Variants in WWOX observed in about 807,000 individuals in gnomAD.
WWOX encodes WW domain containing oxidoreductase.
A neutral mutation model predicts 46.2 loss-of-function variants in WWOX; 69 were observed. The ratio of observed to expected loss-of-function variants is 1.49; its 90% CI spans 1.23 to 1.82. The LOEUF (loss-of-function observed/expected upper bound fraction) is 1.82, where lower values mean the gene tolerates loss of function less well. WWOX is among the 40% of genes most tolerant of loss of function. The probability of loss-of-function intolerance (pLI) is 0.00; values close to 1 mark genes in which losing one functional copy is unlikely to be tolerated. For synonymous variants in WWOX, 359 were observed against 202.6 expected (o/e 1.77, Z -6.56); for missense variants, 919 against 542.6 (o/e 1.69, Z -6.89).
At chr16:78,812,219 A>G (rs2142710665) in intron 8 of WWOX, among the ~76,000 whole-genome samples, 1 of 152,180 alleles carries the variant, frequency 6.6e-6, no homozygotes, top group South Asian at 2.1e-4. Flanking sequence ...ACAAGATGAC[A>G]TCCCAAAGAT....
chr16:78,524,195 T>C (rs1457981432), intron 8 of WWOX, among the ~76,000 whole-genome samples: 3 of 152,198 alleles, frequency 2.0e-5, no homozygotes, highest in Non-Finnish European at 4.4e-5. Context: ...TAAACATTTT[T>C]ATTGCAAAGG....
At chr16:78,550,694 G>C (rs2044152699) in intron 8 of WWOX, 1 of 152,200 alleles carries the variant, frequency 6.6e-6, no homozygotes, top group Non-Finnish European at 1.5e-5. Flanking sequence ...CTCCTGGGCT[G>C]TGCTGGGGAT....
At chr16:78,298,968 C>A (rs1567484874) in intron 5 of WWOX, among the ~76,000 whole-genome samples, 1 of 152,060 alleles carries the variant, frequency 6.6e-6, no homozygotes, top group Non-Finnish European at 1.5e-5. Context: ...TTTTCCTGTT[C>A]CTTGCCCTTC....
chr16:78,277,633 C>A (rs1346506140), intron 5 of WWOX, among the ~76,000 whole-genome samples: 1 of 152,160 alleles, frequency 6.6e-6, no homozygotes, highest in Admixed American at 6.6e-5. Context: ...GCATTTAGTT[C>A]TCTGCAAAGA....
intron 8 of WWOX, among the ~76,000 whole-genome samples, chr16:78,767,642 C>G (rs996716739): frequency 1.3e-5 from 2 of 152,092 alleles, no homozygotes; most frequent in African/African-American, 4.8e-5. Flanking sequence ...GAGAAACTGC[C>G]AAACTGTCTT....
chr16:78,148,575 C>T (rs1305984264), intron 4 of WWOX, among the ~76,000 whole-genome samples: 2 of 151,176 alleles, frequency 1.3e-5, no homozygotes, highest in Non-Finnish European at 3.0e-5. Flanking sequence ...TTTTATTTTT[C>T]TTCCTAAGGT....
At chr16:78,535,799 C>T (rs769979528) in intron 8 of WWOX, among the ~76,000 whole-genome samples, 3 of 152,076 alleles carry the variant, frequency 2.0e-5, no homozygotes, top group Non-Finnish European at 4.4e-5. Context: ...GAAGAGAGAA[C>T]CAGACACAAG....
intron 8 of WWOX, among the ~76,000 whole-genome samples, chr16:79,037,411 C>G (rs1015061716): frequency 6.6e-6 from 1 of 151,986 alleles, no homozygotes; most frequent in Non-Finnish European, 1.5e-5. Flanking sequence ...ATGTGATTAT[C>G]GATGATGCTG....
intron 4 of WWOX, among the ~76,000 whole-genome samples, chr16:78,153,629 C>G (rs1047404915): frequency 6.6e-6 from 1 of 152,080 alleles, no homozygotes; most frequent in Non-Finnish European, 1.5e-5. Context: ...GGCTGGAAAT[C>G]ACCATCTCTG....
At chr16:78,764,841 C>T (rs2069784923) in intron 8 of WWOX, among the ~76,000 whole-genome samples, 1 of 152,004 alleles carries the variant, frequency 6.6e-6, no homozygotes, top group Non-Finnish European at 1.5e-5. Flanking sequence ...TTGCTCATAG[C>T]AAAGGTTTGT....
intron 8 of WWOX, among the ~76,000 whole-genome samples, chr16:78,536,748 G>C (rs1030332724): frequency 2.6e-5 from 4 of 152,078 alleles, no homozygotes; most frequent in Non-Finnish European, 4.4e-5. Flanking sequence ...TGACGAAGGA[G>C]GAGGAGGAGG....
At chr16:78,335,531 C>G (rs1188923584) in intron 5 of WWOX, among the ~76,000 whole-genome samples, 1 of 152,118 alleles carries the variant, frequency 6.6e-6, no homozygotes. Flanking sequence ...CATTTATGAG[C>G]ATTTGGAGTG....
Position 78,714,199 on chromosome 16 carries a change from A to G in WWOX, c.1056+281447A>G, listed in dbSNP as rs142232647. Among the ~76,000 whole-genome samples, 653 of 152,266 alleles carry G rather than the reference A, an allele frequency of 4.3e-3. 5 individuals are homozygous for G. Among genetic ancestry groups the G allele is most frequent in the African/African-American group, 0.015 (632 of 41,552 alleles). On this transcript the variant is annotated intron_variant, in intron 8 of 8. Transcript: ENST00000566780. ...ATGTCCTATATTAGTCTATTCTCACACTGCTAGTGAAGACATACCTGAGAT... is the reference window on the plus strand; with the variant it reads ...ATGTCCTATATTAGTCTATTCTCACGCTGCTAGTGAAGACATACCTGAGAT...
At chr16:78,146,747 C>G (rs927740420) in intron 4 of WWOX, among the ~76,000 whole-genome samples, 7 of 152,152 alleles carry the variant, frequency 4.6e-5, no homozygotes, top group Admixed American at 2.6e-4. Context: ...ATTGTATGCC[C>G]TGTGGGAACC....
chr16:78,894,496 G>A (rs1274241511), intron 8 of WWOX, among the ~76,000 whole-genome samples: 2 of 152,170 alleles, frequency 1.3e-5, no homozygotes, highest in Non-Finnish European at 2.9e-5. Context: ...GGAAACACAG[G>A]CTTGAGTTTG....
chr16:78,114,729 T>C (rs1189303974), intron 3 of WWOX, among the ~76,000 whole-genome samples: 1 of 148,444 alleles, frequency 6.7e-6, no homozygotes, highest in East Asian at 1.9e-4. Flanking sequence ...TGGCAATAGT[T>C]ATTGTATGTT....
At chr16:78,389,698 C>T (rs1459858159) in intron 6 of WWOX, among the ~76,000 whole-genome samples, 1 of 152,052 alleles carries the variant, frequency 6.6e-6, no homozygotes, top group Non-Finnish European at 1.5e-5. Context: ...CCGATTTAGC[C>T]TCTTCACGGC....
At chr16:78,382,378 C>G (rs1014641944) in intron 5 of WWOX, among the ~76,000 whole-genome samples, 1 of 152,210 alleles carries the variant, frequency 6.6e-6, no homozygotes, top group Non-Finnish European at 1.5e-5. Flanking sequence ...GTGTTACAGA[C>G]AACAGAGGCT....
At chr16:79,061,811 T>C (rs139341262) in intron 8 of WWOX, among the ~76,000 whole-genome samples, 127 of 152,294 alleles carry the variant, frequency 8.3e-4, no homozygotes, top group Admixed American at 3.0e-3. Flanking sequence ...TCAGGCTCTG[T>C]ACTGGGTTCT....
Sources: allele counts gnomAD v4.1 joint callset (sites outside exome capture counted in the v4.1 genomes callset), GRCh38; gene constraint gnomAD v4.1.1; transcripts MANE v1.5; gene names NCBI Gene and HGNC (gene_info 2026-07-23, HGNC 2026-07-21).